Variants in RUNDC3B observed in about 807,000 individuals in gnomAD.
RUNDC3B encodes the protein RUN domain containing 3B.
Under a neutral mutation model 58.4 loss-of-function variants are expected in RUNDC3B, and 33 were observed. That is an observed-to-expected ratio of 0.56 (90% CI 0.43 to 0.75). The LOEUF (loss-of-function observed/expected upper bound fraction) is 0.75, where lower values mean the gene tolerates loss of function less well. Ranked by LOEUF, RUNDC3B falls within the 30% of genes least tolerant of loss-of-function variation. The pLI is 0.00. For missense variants in RUNDC3B, 501 were observed against 535.7 expected, an observed-to-expected ratio of 0.94 and a Z score of 0.64; for synonymous variants, 193 against 195.2, an observed-to-expected ratio of 0.99 and a Z score of 0.10.
intron 2 of RUNDC3B, among the ~76,000 whole-genome samples, chr7:87,693,548 G>T (rs972597335): frequency 1.3e-5 from 2 of 152,148 alleles, no homozygotes; most frequent in Admixed American, 6.6e-5. Context: ...TGCATCGCCA[G>T]CAAGTTCAGT....
rs1044828125 is a variant in RUNDC3B at position 87,631,605 on chromosome 7, G to T, written c.122+2660G>T. ...AGACGGGGTTTCACCGTATTAGCCA[G>T]GATGGTCTCGATCTGCTGACCTCGT... is the stretch of plus-strand genomic sequence containing the variant. On this transcript the variant is annotated intron_variant, in intron 1 of 10. Coordinates refer to ENST00000394654, the MANE Select transcript of RUNDC3B (RefSeq NM_001134405.2). 4.6e-4 allele frequency among the ~76,000 whole-genome samples: 70 copies of T among 152,204 alleles called. 1 individual carries two copies. The highest frequency in any genetic ancestry group is 4.1e-4 in the South Asian group (2 of 4,830).
intron 2 of RUNDC3B, chr7:87,693,853 TGATG>T: frequency 6.4e-7 from 1 of 1,572,954 alleles, no homozygotes. Context: ...ACTGTAAACA[TGATG>T]GCAGGTTTCT....
chr7:87,767,192 A>G (rs1834019989), intron 6 of RUNDC3B, among the ~76,000 whole-genome samples: 1 of 152,116 alleles, frequency 6.6e-6, no homozygotes, highest in Non-Finnish European at 1.5e-5. Flanking sequence ...ATCTCATTTA[A>G]CTTCCTTATA....
rs146127516 is a variant in RUNDC3B, at chr7:87,702,142, C to CAAAAAAAAA, written c.372+1610_372+1618dup. Among the ~76,000 whole-genome samples the CAAAAAAAAA allele has an allele frequency of 4.8e-4, 8 of 16,772 alleles. 1 individual carries two copies. The highest frequency in any genetic ancestry group is 2.6e-3 in the East Asian group (1 of 378). The allele number at this position is 16,772 out of a possible 152,430, so 11.0% of individuals were successfully genotyped here. A position where few individuals can be genotyped will look rare whatever the true frequency, so the allele number is the denominator to read the frequency against. Reference sequence around the variant, plus strand: ...TGGGCAAAAGAGCGAGACTCTGTCTCAAAAAAAAAAAAAAAAAAAAAAAAA... The same window carrying CAAAAAAAAA: ...TGGGCAAAAGAGCGAGACTCTGTCTCAAAAAAAAAAAAAAAAAAAAAAAAAAAAAAAAAA... On this transcript the variant is annotated intron_variant, in intron 3 of 10. Coordinates refer to ENST00000394654, the MANE Select transcript of RUNDC3B (RefSeq NM_001134405.2).
chr7:87,779,151 A>G (rs1834803506), intron 8 of RUNDC3B, among the ~76,000 whole-genome samples: 1 of 152,190 alleles, frequency 6.6e-6, no homozygotes. Context: ...TCAATTAAAG[A>G]TATTTAAATT....
intron 3 of RUNDC3B, among the ~76,000 whole-genome samples, chr7:87,709,779 T>A (rs1173358528): frequency 1.3e-5 from 2 of 152,222 alleles, no homozygotes; most frequent in African/African-American, 4.8e-5. Flanking sequence ...TTAGTCTTCA[T>A]GAAGTTTTTT....
At chr7:87,783,141 G>C (rs1460685759) in intron 8 of RUNDC3B, among the ~76,000 whole-genome samples, 1 of 150,872 alleles carries the variant, frequency 6.6e-6, no homozygotes, top group Non-Finnish European at 1.5e-5. Context: ...TCCAATGTCA[G>C]TGTGTGTGTG....
chr7:87,782,817 G>C (rs1010460548), intron 8 of RUNDC3B, among the ~76,000 whole-genome samples: 2 of 152,016 alleles, frequency 1.3e-5, no homozygotes, highest in Admixed American at 1.3e-4. Flanking sequence ...CTTCCACTGT[G>C]GTCCACATAT....
chr7:87,809,205 T>C (rs753919462), intron 9 of RUNDC3B, among the ~76,000 whole-genome samples: 4 of 152,192 alleles, frequency 2.6e-5, no homozygotes, highest in Non-Finnish European at 5.9e-5. Flanking sequence ...CTGTTTAGCA[T>C]GGATCTAGAT....
At chr7:87,754,390 A>G (rs963041166) in intron 6 of RUNDC3B, among the ~76,000 whole-genome samples, 1 of 152,222 alleles carries the variant, frequency 6.6e-6, no homozygotes, top group African/African-American at 2.4e-5. Context: ...CTTTGAAACC[A>G]ATGAGAACAA....
intron 2 of RUNDC3B, among the ~76,000 whole-genome samples, chr7:87,695,319 A>C (rs147859092): frequency 6.6e-6 from 1 of 152,254 alleles, no homozygotes; most frequent in East Asian, 1.9e-4. Context: ...CTGAACTTTT[A>C]CAGAAATGGA....
intron 6 of RUNDC3B, among the ~76,000 whole-genome samples, chr7:87,747,164 G>A (rs1263564259): frequency 2.0e-5 from 3 of 152,142 alleles, no homozygotes; most frequent in Non-Finnish European, 4.4e-5. Flanking sequence ...CCCACGGGGT[G>A]TTCCCTTGAT....
chr7:87,742,341 GT>G (rs942918773), intron 6 of RUNDC3B, among the ~76,000 whole-genome samples: 1 of 152,042 alleles, frequency 6.6e-6, no homozygotes, highest in Non-Finnish European at 1.5e-5. Context: ...ATTGTTGTCT[GT>G]TATCCCTCAC....
At chr7:87,673,005 C>A (rs893271325) in intron 2 of RUNDC3B, among the ~76,000 whole-genome samples, 1 of 152,206 alleles carries the variant, frequency 6.6e-6, no homozygotes, top group Non-Finnish European at 1.5e-5. Flanking sequence ...GACTACTCCC[C>A]TGGAATTCCT....
chr7:87,739,975 C>T (rs903233777), intron 5 of RUNDC3B, 95 bp downstream of exon 5: 2 of 523,252 alleles, frequency 3.8e-6, no homozygotes, highest in East Asian at 3.2e-5. Context: ...GTAAAGCACA[C>T]AGTTGGATAT....
intron 8 of RUNDC3B, among the ~76,000 whole-genome samples, chr7:87,792,584 G>A (rs1377374674): frequency 6.6e-6 from 1 of 151,914 alleles, no homozygotes; most frequent in Non-Finnish European, 1.5e-5. Flanking sequence ...ACAAACACAT[G>A]GAAATTGATA....
At chr7:87,658,213 G>T (rs1316591355) in intron 2 of RUNDC3B, among the ~76,000 whole-genome samples, 2 of 152,084 alleles carry the variant, frequency 1.3e-5, no homozygotes, top group African/African-American at 4.8e-5. Flanking sequence ...ATACAAAGAA[G>T]ACCAAAATGG....
chr7:87,733,167 A>G (rs925966450), intron 4 of RUNDC3B, among the ~76,000 whole-genome samples: 3 of 152,088 alleles, frequency 2.0e-5, no homozygotes, highest in African/African-American at 7.2e-5. Context: ...CTCTCCACAA[A>G]GGTCGCATTC....
At chr7:87,654,217 A>C (rs972438601) in intron 2 of RUNDC3B, among the ~76,000 whole-genome samples, 1 of 152,086 alleles carries the variant, frequency 6.6e-6, no homozygotes, top group African/African-American at 2.4e-5. Context: ...CATTTTTCAC[A>C]GAAATAAAAA....
Sources: gnomAD v4.1 joint callset for allele counts (sites outside exome capture counted in the v4.1 genomes callset) on GRCh38, gnomAD v4.1.1 for gene constraint, MANE v1.5 for transcripts, NCBI Gene and HGNC (gene_info 2026-07-23, HGNC 2026-07-21) for gene names.